The following HERC2 variants were observed in gnomAD, a reference collection of about 807,000 sequenced individuals.
HERC2 encodes HECT and RLD domain containing E3 ubiquitin protein ligase 2.
Under a neutral mutation model 537.7 loss-of-function variants are expected in HERC2, and 102 were observed. That is an observed-to-expected ratio of 0.19 (90% confidence interval 0.16 to 0.22). HERC2 has a LOEUF of 0.22. HERC2 is among the 10% of genes least tolerant of loss of function. The pLI is 1.00. For synonymous variants in HERC2, 2,224 were observed against 2,466.2 expected (o/e 0.90, Z 2.91); for missense variants, 4,236 against 6,198.2 (o/e 0.68, Z 10.63).
chr15:28,223,181 C>A (rs561157830), intron 35 of HERC2, among the ~76,000 whole-genome samples: 93 of 152,102 alleles, frequency 6.1e-4, no homozygotes, highest in African/African-American at 1.8e-3. Flanking sequence ...CACCTGAGAG[C>A]AGTAAAACTT....
chr15:28,214,082 G>A lies in HERC2; in HGVS notation c.6549C>T (p.Ser2183=), dbSNP rs199647215. 365 of 1,614,080 alleles carry A rather than the reference G, an allele frequency of 2.3e-4. 2 individuals are homozygous for A. Among genetic ancestry groups the A allele is most frequent in the East Asian group, 1.2e-3 (54 of 44,868 alleles). Reference sequence around the variant, plus strand: ...TCTGAGAACACAAACCCACCCCTTCGGAAGGCCTTCCCACAAAGCTGTGGG... The same window carrying A: ...TCTGAGAACACAAACCCACCCCTTCAGAAGGCCTTCCCACAAAGCTGTGGG... ...SITHSFVGRP[S]EGAQLEDYFP... Residue 2183 remains serine (S), a synonymous_variant, in exon 41 of 93, where the codon TCC becomes TCT. Transcript: ENST00000261609.
intron 2 of HERC2, among the ~76,000 whole-genome samples, chr15:28,316,759 A>G (rs1296616305): frequency 6.6e-6 from 1 of 152,132 alleles, no homozygotes; most frequent in Non-Finnish European, 1.5e-5. Flanking sequence ...ACTCATGTTT[A>G]TACTTTTTTT....
At chr15:28,155,806 CT>C (rs1468642545) in intron 69 of HERC2, among the ~76,000 whole-genome samples, 1 of 152,090 alleles carries the variant, frequency 6.6e-6, no homozygotes, top group Non-Finnish European at 1.5e-5. Context: ...GTTGCCATTG[CT>C]TTTGGTGTTT....
chr15:28,293,350 A>G (rs1490080785), intron 3 of HERC2, among the ~76,000 whole-genome samples: 1 of 151,970 alleles, frequency 6.6e-6, no homozygotes, highest in African/African-American at 2.4e-5. Context: ...AAAATTAGCC[A>G]GCCGTGGTGG....
chr15:28,208,508 G>C (rs540952102), intron 44 of HERC2, among the ~76,000 whole-genome samples: 1 of 151,940 alleles, frequency 6.6e-6, no homozygotes, highest in Non-Finnish European at 1.5e-5. Flanking sequence ...CCTAGCAGGT[G>C]TATCACCCGA....
chr15:28,165,034 G>T (rs1297754168), intron 68 of HERC2, among the ~76,000 whole-genome samples: 4 of 152,258 alleles, frequency 2.6e-5, no homozygotes, highest in Non-Finnish European at 5.9e-5. Flanking sequence ...AGGTGGAAAG[G>T]CTGGCAAGGG....
intron 8 of HERC2, 131 bp downstream of exon 8, chr15:28,272,763 G>A: frequency 1.6e-6 from 1 of 620,622 alleles, no homozygotes; most frequent in East Asian, 2.8e-5. Context: ...GAGAGCCCTG[G>A]GACATGGTTC....
intron 8 of HERC2, 88 bp from the exon 9 acceptor site, chr15:28,272,474 A>G (rs1250757568): frequency 4.2e-6 from 5 of 1,191,892 alleles, no homozygotes; most frequent in African/African-American, 1.5e-5. Context: ...ATAGCTGGAT[A>G]GAAGTGAACA....
chr15:28,214,265 C>T lies in HERC2; in HGVS notation c.6366G>A (p.Thr2122=), dbSNP rs750239046. ...SSDVPLLRES[T]LRRRRVRPQA... ...GCGGGCGCACCCTGCGCCGCCTCAGCGTGGACTCTGAGGAGGAAACCAGGG... is the reference window on the plus strand; with the variant it reads ...GCGGGCGCACCCTGCGCCGCCTCAGTGTGGACTCTGAGGAGGAAACCAGGG... Residue 2122 remains threonine, a synonymous_variant, in exon 41 of 93, where the codon ACG becomes ACA. Transcript: ENST00000261609. The T allele has an allele frequency of 1.9e-5, 31 of 1,610,936 alleles. No homozygotes were observed. The East Asian group carries it at 3.1e-4, about 16-fold the overall frequency.
chr15:28,272,841 ATTTC>A, intron 8 of HERC2, 49 bp downstream of exon 8: 1 of 1,184,048 alleles, frequency 8.4e-7, no homozygotes, highest in East Asian at 2.3e-5. Flanking sequence ...TGCAACAGGT[ATTTC>A]CATACACAGG....
At chr15:28,236,150 G>A (rs987380807) in intron 26 of HERC2, among the ~76,000 whole-genome samples, 2 of 152,054 alleles carry the variant, frequency 1.3e-5, no homozygotes, top group African/African-American at 4.8e-5. Context: ...CAGGGTAGAC[G>A]GGTAGAGATT....
intron 78 of HERC2, among the ~76,000 whole-genome samples, chr15:28,136,511 T>TGCC (rs1281382632): frequency 1.3e-5 from 2 of 152,224 alleles, no homozygotes; most frequent in African/African-American, 2.4e-5. Context: ...TCCAAAGGGT[T>TGCC]GCCCCTCAGT....
chr15:28,254,399 G>C lies in HERC2; in HGVS notation c.2991C>G (p.Ile997Met), dbSNP rs2075186661. The C allele has an allele frequency of 2.5e-6, 4 of 1,608,248 alleles. No homozygotes were observed. Among genetic ancestry groups the C allele is most frequent in the Non-Finnish European group, 3.4e-6 (4 of 1,177,524 alleles). The change falls in exon 20 of 93, where the codon ATC becomes ATG. Residue 997 changes from isoleucine to methionine, a missense_variant. By Grantham distance (10) the Ile-to-Met change is conservative. This residue lies in a region of HERC2 where 754 missense variants were observed against 1,085.0 expected (regional missense o/e 0.69). Transcript: ENST00000261609. ...AACACTGTTTGCCAGAAGACTCACA[G>C]ATCCCCGTATTAATAAGGTCTTTAT... is the stretch of plus-strand genomic sequence containing the variant. ...PLDKDLINTG[I>M]CESSGKQCLP...
chr15:28,293,236 G>A (rs1050068147), intron 3 of HERC2, among the ~76,000 whole-genome samples: 1 of 152,178 alleles, frequency 6.6e-6, no homozygotes, highest in Non-Finnish European at 1.5e-5. Flanking sequence ...GCTCACGCCT[G>A]TAATCCCAGC....
chr15:28,162,212 C>T (rs888320527), intron 69 of HERC2, among the ~76,000 whole-genome samples: 1 of 152,180 alleles, frequency 6.6e-6, no homozygotes, highest in African/African-American at 2.4e-5. Context: ...TGCCTGTAAT[C>T]CCAGCTACTC....
In HERC2 at chr15:28,268,240, C is replaced by T. The variant is rs114574996; in HGVS notation, c.1598+225G>A. Among the ~76,000 whole-genome samples, 2,957 of 152,172 alleles carry T rather than the reference C, an allele frequency of 0.019. 95 individuals carry two copies. Among genetic ancestry groups the T allele is most frequent in the African/African-American group, 0.067 (2,786 of 41,510 alleles). ...AGATAGAAGGCTGGCCAAGGCTGCACGGGGTCAAGAAGAACAGAAAGGCCA... is the reference window on the plus strand; with the variant it reads ...AGATAGAAGGCTGGCCAAGGCTGCATGGGGTCAAGAAGAACAGAAAGGCCA... On this transcript the variant is annotated intron_variant, in intron 12 of 92. Coordinates refer to ENST00000261609, the MANE Select transcript of HERC2 (RefSeq NM_004667.6). The surrounding 1 kb of genome is among the most constrained non-coding windows in gnomAD (Gnocchi z 4.7).
intron 4 of HERC2, among the ~76,000 whole-genome samples, chr15:28,288,241 T>C (rs2076212813): frequency 6.6e-6 from 1 of 152,014 alleles, no homozygotes; most frequent in Admixed American, 6.5e-5. Context: ...AAAATGTAAG[T>C]TAACATAAAA....
At chr15:28,138,747 A>C (rs1890900388) in intron 78 of HERC2, among the ~76,000 whole-genome samples, 1 of 152,132 alleles carries the variant, frequency 6.6e-6, no homozygotes, top group Admixed American at 6.5e-5. Flanking sequence ...TTCGACTTTC[A>C]AATCTTGTTA....
rs116632344 is a variant in HERC2, at chr15:28,162,013, A to T, written c.10746+1081T>A. 4.6e-3 allele frequency among the ~76,000 whole-genome samples: 701 copies of T among 152,340 alleles called. 3 individuals carry two copies. The highest frequency in any genetic ancestry group is 0.016 in the African/African-American group (678 of 41,580). ...TAAATCCCAGGTGGCTAAAAAATGT[A>T]AACAATACATGAAATCATAAAAAAT... On this transcript the variant is annotated intron_variant, in intron 69 of 92. Transcript: ENST00000261609.
Sources: allele counts gnomAD v4.1 joint callset (sites outside exome capture counted in the v4.1 genomes callset), GRCh38; gene constraint gnomAD v4.1.1; regional missense constraint gnomAD v4.1.1; non-coding constraint Gnocchi (gnomAD v3.1); transcripts MANE v1.5; gene names NCBI Gene and HGNC (gene_info 2026-07-23, HGNC 2026-07-21).